PNPLA7: variants seen among roughly 807,000 people sequenced by gnomAD.
PNPLA7 encodes patatin-like phospholipase domain-containing protein 7.
In PNPLA7, 153 loss-of-function variants were observed where a neutral mutation model predicts 161.7. That is an observed-to-expected ratio of 0.95 (90% CI 0.83 to 1.08). The LOEUF (loss-of-function observed/expected upper bound fraction) is 1.08, where lower values mean the gene tolerates loss of function less well. Ranked by LOEUF, PNPLA7 falls within the 50% of genes least tolerant of loss-of-function variation. PNPLA7 has a pLI of 0.00. For synonymous variants in PNPLA7, 809 were observed against 782.1 expected, an observed-to-expected ratio of 1.03 and a Z score of -0.57; for missense variants, 1,739 against 1,856.6, an observed-to-expected ratio of 0.94 and a Z score of 1.16.
chr9:137,461,866 G>C, intron 32 of PNPLA7, 65 bp downstream of exon 32: 1 of 1,455,510 alleles, frequency 6.9e-7, no homozygotes, highest in Non-Finnish European at 9.2e-7. Context: ...AACTGGGCGT[G>C]GGCGTGGCCC....
chr9:137,491,390 C>G (rs1832755545), intron 20 of PNPLA7: 1 of 820,778 alleles, frequency 1.2e-6, no homozygotes, highest in Non-Finnish European at 1.5e-6. Flanking sequence ...TCTAAACACA[C>G]AAAAGATAAA....
Position 137,549,431 on chromosome 9 carries a change from G to A in PNPLA7, c.30+737C>T, listed in dbSNP as rs565542753. Among the ~76,000 whole-genome samples the A allele has an allele frequency of 1.5e-4, 23 of 152,022 alleles. No individual in the cohort carries two copies. The East Asian group carries it at 4.1e-3, about 27-fold the overall frequency. On this transcript the variant is annotated intron_variant, in intron 1 of 34. Coordinates refer to ENST00000406427, the MANE Select transcript of PNPLA7 (RefSeq NM_001098537.3). ...AAATACAAAAAAATATTAGCCGGGC[G>A]TGGTGGTGGGCGCCTGTAGTCCCAG...
rs574014447 is a variant in PNPLA7 at position 137,508,343 on chromosome 9, G to A, written c.1226-2260C>T. ...AGCACTTTGGGAGGACGAGGCGGGC[G>A]GATCACGAGGTCAGGAGATCGAGAC... On this transcript the variant is annotated intron_variant, in intron 12 of 34. Coordinates refer to ENST00000406427, the MANE Select transcript of PNPLA7 (RefSeq NM_001098537.3). Among the ~76,000 whole-genome samples, 12 of 152,298 alleles carry A rather than the reference G, an allele frequency of 7.9e-5. No homozygotes were observed. In the East Asian group the frequency reaches 1.2e-3, roughly 15 times the overall value.
At chr9:137,464,067 C>A in intron 28 of PNPLA7, 59 bp downstream of exon 28, 1 of 1,566,208 alleles carries the variant, frequency 6.4e-7, no homozygotes, top group Non-Finnish European at 8.7e-7. Flanking sequence ...GGCTGCTGAG[C>A]TCTCCCCCTG....
Position 137,539,159 on chromosome 9 carries a change from C to T in PNPLA7, c.747+1483G>A, listed in dbSNP as rs557263996. ...ATGAGGTCAGGAGTTGGAGATCAGCCTTACCAAGGCTGTTCTCTACTAAAA... is the reference window on the plus strand; with the variant it reads ...ATGAGGTCAGGAGTTGGAGATCAGCTTTACCAAGGCTGTTCTCTACTAAAA... On this transcript the variant is annotated intron_variant, in intron 8 of 34. Transcript: ENST00000406427. 2.0e-5 allele frequency among the ~76,000 whole-genome samples: 3 copies of T among 152,102 alleles called. No individual in the cohort carries two copies. In the East Asian group the frequency reaches 5.8e-4, roughly 30 times the overall value.
chr9:137,477,127 T>C (rs1831975014), intron 25 of PNPLA7, among the ~76,000 whole-genome samples: 1 of 152,178 alleles, frequency 6.6e-6, no homozygotes, highest in African/African-American at 2.4e-5. Flanking sequence ...CTCCCTTCCT[T>C]TGGGGGCAGC....
At chr9:137,485,232 C>T (rs115120281) in intron 20 of PNPLA7, among the ~76,000 whole-genome samples, 1 of 152,388 alleles carries the variant, frequency 6.6e-6, no homozygotes, top group African/African-American at 2.4e-5. Context: ...CCACCAAAGA[C>T]AGTGATTCAC....
In PNPLA7 at chr9:137,476,628, G is replaced by A. The variant is rs74521087; in HGVS notation, c.2882+1406C>T. ...ATAACTCTGGAGGTGGTGCTGGAAGGAAGGCAAAGGACTGCAGTTACGTGC... is the reference window on the plus strand; with the variant it reads ...ATAACTCTGGAGGTGGTGCTGGAAGAAAGGCAAAGGACTGCAGTTACGTGC... On this transcript the variant is annotated intron_variant, in intron 25 of 34. Transcript: ENST00000406427. The surrounding 1 kb of genome is among the most constrained non-coding windows in gnomAD (Gnocchi z 4.5). Among the ~76,000 whole-genome samples the A allele has an allele frequency of 3.6e-3, 546 of 152,268 alleles. 5 individuals are homozygous for A. The highest frequency in any genetic ancestry group is 0.013 in the African/African-American group (526 of 41,558).
At chr9:137,477,850 C>G (rs1832012454) in intron 25 of PNPLA7, among the ~76,000 whole-genome samples, 184 bp downstream of exon 25, 1 of 152,196 alleles carries the variant, frequency 6.6e-6, no homozygotes, top group Non-Finnish European at 1.5e-5. Context: ...ACCGCATGTG[C>G]CAGGGTCTGC....
chr9:137,502,870 G>A (rs1049813992), intron 14 of PNPLA7, among the ~76,000 whole-genome samples: 1 of 151,658 alleles, frequency 6.6e-6, no homozygotes, highest in African/African-American at 2.4e-5. Context: ...AGAGTATTGT[G>A]GTTAGAGATG....
intron 12 of PNPLA7, among the ~76,000 whole-genome samples, chr9:137,512,914 G>C (rs1421798400): frequency 6.7e-6 from 1 of 149,920 alleles, no homozygotes; most frequent in Non-Finnish European, 1.5e-5. Flanking sequence ...AGTGTGCCAT[G>C]ATCTCACCAC....
chr9:137,543,617 C>T lies in PNPLA7; in HGVS notation c.366-45G>A, dbSNP rs768366673. The T allele has an allele frequency of 3.6e-5, 58 of 1,605,444 alleles. No homozygotes were observed. The highest frequency in any genetic ancestry group is 2.3e-4 in the South Asian group (21 of 89,716). ...TAGCCTTGAGCAGACCAGGCGGGTTCGAAACCCACAGCATCAGTGGCTGAC... is the reference window on the plus strand; with the variant it reads ...TAGCCTTGAGCAGACCAGGCGGGTTTGAAACCCACAGCATCAGTGGCTGAC... On this transcript the variant is annotated intron_variant, in intron 5 of 34. Coordinates refer to ENST00000406427, the MANE Select transcript of PNPLA7 (RefSeq NM_001098537.3). This position sits in a 1 kb window ranked among gnomAD's most constrained non-coding sequence, Gnocchi z 6.9.
chr9:137,499,840 G>C lies in PNPLA7; in HGVS notation c.1757+851C>G, dbSNP rs1588611425. On this transcript the variant is annotated intron_variant, in intron 16 of 34. Coordinates refer to ENST00000406427, the MANE Select transcript of PNPLA7 (RefSeq NM_001098537.3). This position sits in a 1 kb window ranked among gnomAD's most constrained non-coding sequence, Gnocchi z 5.5. ...TGCTTCCACTGACCTTCAGGCTTCT[G>C]ACCTCTCCTGCTGCCCAACCACTCA... Among the ~76,000 whole-genome samples the C allele has an allele frequency of 6.6e-6, 1 of 152,268 alleles. No individual in the cohort carries two copies. The highest frequency in any genetic ancestry group is 2.1e-4 in the South Asian group (1 of 4,838).
chr9:137,516,926 T>C (rs955311651), intron 11 of PNPLA7, among the ~76,000 whole-genome samples: 1 of 151,696 alleles, frequency 6.6e-6, no homozygotes, highest in Non-Finnish European at 1.5e-5. Flanking sequence ...CCTCATGGGG[T>C]CTCACAAGCA....
intron 8 of PNPLA7, among the ~76,000 whole-genome samples, chr9:137,525,119 A>G (rs1835233657): frequency 6.6e-6 from 1 of 152,228 alleles, no homozygotes; most frequent in African/African-American, 2.4e-5. Flanking sequence ...GACTAGATCC[A>G]GGGGTGTCAG....
At chr9:137,472,891 G>C (rs370407662) in intron 25 of PNPLA7, among the ~76,000 whole-genome samples, 1 of 151,542 alleles carries the variant, frequency 6.6e-6, no homozygotes, top group Non-Finnish European at 1.5e-5. Flanking sequence ...GAAGGTGGAG[G>C]TTGCAGTGAG....
In PNPLA7 at chr9:137,462,260, C is replaced by T. The variant is rs552503134; in HGVS notation, c.3564G>A (p.Lys1188=). ...VCCVRQLEVV[K]SSDYCEYLRP... is the part of the protein sequence containing the mutation. ...GCAGGTACTCGCAGTAGTCACTGCT[C>T]TTCACCACCTCCAGCTGCCGCACGC... Residue 1188 remains lysine (K), a synonymous_variant, in exon 31 of 35, where the codon AAG becomes AAA. Coordinates refer to ENST00000406427, the MANE Select transcript of PNPLA7 (RefSeq NM_001098537.3). The T allele has an allele frequency of 2.5e-6, 4 of 1,611,916 alleles. No homozygotes were observed. The South Asian group carries it at 4.4e-5, about 18-fold the overall frequency.
intron 26 of PNPLA7, among the ~76,000 whole-genome samples, chr9:137,466,986 C>T (rs1469410290): frequency 1.3e-5 from 2 of 148,278 alleles, no homozygotes; most frequent in Admixed American, 6.7e-5. Context: ...CCACCGTCTC[C>T]ACCATCTCAG....
At chr9:137,515,902 TC>T (rs1207549694) in intron 11 of PNPLA7, among the ~76,000 whole-genome samples, 1 of 7,104 alleles carries the variant, frequency 1.4e-4, no homozygotes, top group Non-Finnish European at 2.6e-4. Context: ...TCCCCCCAAA[TC>T]CCCCCTCCCC....
Sources: allele counts gnomAD v4.1 joint callset (sites outside exome capture counted in the v4.1 genomes callset), GRCh38; gene constraint gnomAD v4.1.1; non-coding constraint Gnocchi (gnomAD v3.1); transcripts MANE v1.5; gene names NCBI Gene and HGNC (gene_info 2026-07-23, HGNC 2026-07-21).